The following ZNF735 variants were observed in gnomAD, a reference collection of about 807,000 sequenced individuals.
The protein encoded by ZNF735 is zinc finger protein 735, also known as putative zinc finger protein 735.
A neutral mutation model predicts 13.4 loss-of-function variants in ZNF735; 11 were observed. The observed-to-expected ratio is 0.82, with a 90% CI of 0.52 to 1.36. The LOEUF (loss-of-function observed/expected upper bound fraction) is 1.36, where lower values mean the gene tolerates loss of function less well. Ranked by LOEUF, ZNF735 falls within the 40% of genes most tolerant of loss-of-function variation. The pLI is 0.00. For synonymous variants in ZNF735, 171 were observed against 162.6 expected (o/e 1.05, Z -0.39); for missense variants, 500 against 484.6 (o/e 1.03, Z -0.30).
At chr7:64,211,721 C>T (rs1425355169) in intron 1 of ZNF735, among the ~76,000 whole-genome samples, 4 of 151,616 alleles carry the variant, frequency 2.6e-5, no homozygotes, top group Non-Finnish European at 4.4e-5. Flanking sequence ...CAAAAAATAG[C>T]CAAGTGTAGT....
chr7:64,219,821 C>T lies in ZNF735; in HGVS notation c.770C>T (p.Thr257Ile), dbSNP rs779147903. ...GCCTTTAGGTGGCCCTCAAACCTTA[C>T]TAGACATAAGAGAATTCACACTGGA... Residue 257 changes from threonine to isoleucine, a missense_variant, in exon 4 of 4, where the codon ACT (threonine) becomes ATT (isoleucine). By Grantham distance (89) the Thr-to-Ile change is moderately conservative. Transcript: ENST00000429565. 38 of 1,612,368 alleles carry T rather than the reference C, an allele frequency of 2.4e-5. No individual in the cohort carries two copies. The highest frequency in any genetic ancestry group is 2.9e-5 in the Non-Finnish European group (34 of 1,179,450).
At chr7:64,208,340 C>G (rs573932023) in intron 1 of ZNF735, among the ~76,000 whole-genome samples, 1 of 140,226 alleles carries the variant, frequency 7.1e-6, no homozygotes, top group Non-Finnish European at 1.5e-5. Flanking sequence ...TCTTTACAAC[C>G]TCTGCCTCCT....
chr7:64,219,833 G>T (rs1350611363), exon 4 of ZNF735: 1 of 1,613,448 alleles, frequency 6.2e-7, no homozygotes, highest in Non-Finnish European at 8.5e-7. Context: ...AGACATAAGA[G>T]AATTCACACT....
intron 1 of ZNF735, among the ~76,000 whole-genome samples, chr7:64,208,097 T>G (rs1230778768): frequency 6.6e-6 from 1 of 152,142 alleles, no homozygotes; most frequent in Non-Finnish European, 1.5e-5. Context: ...GCAAACCAAA[T>G]GCAATAATTG....
chr7:64,216,903 G>C (rs554802676), intron 3 of ZNF735, among the ~76,000 whole-genome samples: 464 of 152,222 alleles, frequency 3.0e-3, no homozygotes, highest in Non-Finnish European at 5.1e-3. Flanking sequence ...ACTGCACCTG[G>C]CTGATCTTTT....
intron 1 of ZNF735, among the ~76,000 whole-genome samples, chr7:64,209,390 AG>A: frequency 6.7e-6 from 1 of 149,316 alleles, no homozygotes; most frequent in East Asian, 2.0e-4. Flanking sequence ...GCTTTCGCCC[AG>A]GCTGGAGTGC....
In ZNF735 at chr7:64,219,375, A is replaced by G. The variant is rs772328768; in HGVS notation, c.324A>G (p.Gln108=). The stretch of plus-strand genomic sequence containing the variant: ...AGCAGAGCATAAAAGATTCACTCCA[A>G]AAAGTAATACCAAGAACATATGGAA... Residue 108 remains glutamine, a synonymous_variant, in exon 4 of 4, where the codon CAA becomes CAG. Coordinates refer to ENST00000429565, the Ensembl canonical transcript of ZNF735. 7.4e-6 allele frequency: 12 copies of G among 1,613,832 alleles called. No homozygotes were observed. The Admixed American group carries it at 2.0e-4, about 27-fold the overall frequency.
chr7:64,213,339 G>A, intron 2 of ZNF735, 121 bp downstream of exon 2: 1 of 982,404 alleles, frequency 1.0e-6, no homozygotes. Flanking sequence ...GAAAATCTTG[G>A]GGATTCATTG....
intron 1 of ZNF735, among the ~76,000 whole-genome samples, chr7:64,210,778 C>T (rs558403886): frequency 6.6e-6 from 1 of 152,248 alleles, no homozygotes; most frequent in East Asian, 1.9e-4. Flanking sequence ...TTCAATTATA[C>T]ACAACAAAAA....
intron 1 of ZNF735, among the ~76,000 whole-genome samples, chr7:64,209,400 G>T (rs868745064): frequency 6.6e-6 from 1 of 150,458 alleles, no homozygotes; most frequent in Admixed American, 6.6e-5. Flanking sequence ...AGGCTGGAGT[G>T]CAGTGGCGTG....
chr7:64,216,712 C>A (rs1054194656), intron 3 of ZNF735, among the ~76,000 whole-genome samples: 5 of 151,908 alleles, frequency 3.3e-5, no homozygotes, highest in Non-Finnish European at 7.4e-5. Flanking sequence ...CTCAAGTAAT[C>A]CTTCCACCTT....
intron 1 of ZNF735, among the ~76,000 whole-genome samples, chr7:64,211,941 T>C (rs1169307616): frequency 1.3e-5 from 2 of 151,232 alleles, no homozygotes; most frequent in African/African-American, 4.8e-5. Context: ...AATTTACTTT[T>C]CTGAGAGGAG....
At chr7:64,211,136 A>AT (rs1298983712) in intron 1 of ZNF735, among the ~76,000 whole-genome samples, 3 of 151,996 alleles carry the variant, frequency 2.0e-5, no homozygotes, top group East Asian at 3.9e-4. Flanking sequence ...TGAAAAAAAT[A>AT]TTTTTTTTCT....
At chr7:64,209,515 C>G (rs545064309) in intron 1 of ZNF735, among the ~76,000 whole-genome samples, 1 of 151,930 alleles carries the variant, frequency 6.6e-6, no homozygotes, top group East Asian at 1.9e-4. Context: ...GTAGTAGAGA[C>G]GGGGTTTCAC....
intron 3 of ZNF735, among the ~76,000 whole-genome samples, chr7:64,216,147 T>A (rs1455417198): frequency 1.3e-5 from 2 of 151,842 alleles, no homozygotes; most frequent in Non-Finnish European, 2.9e-5. Flanking sequence ...ATACAAAAAA[T>A]TAACCAGGTG....
At chr7:64,209,258 G>A (rs1490522158) in intron 1 of ZNF735, among the ~76,000 whole-genome samples, 1 of 140,380 alleles carries the variant, frequency 7.1e-6, no homozygotes, top group Non-Finnish European at 1.6e-5. Flanking sequence ...TAGTCTAATT[G>A]TTTTTATTTG....
exon 4 of ZNF735, chr7:64,219,579 T>C (rs1462064902): frequency 1.3e-6 from 2 of 1,579,490 alleles, no homozygotes; most frequent in Non-Finnish European, 1.7e-6. Context: ...ATAGACACAA[T>C]GCAAGATATA....
chr7:64,208,244 GTTTTTTTTTT>G (rs71060562), intron 1 of ZNF735, among the ~76,000 whole-genome samples: 6 of 93,082 alleles, frequency 6.4e-5, no homozygotes, highest in South Asian at 8.0e-4. Flanking sequence ...TCCAATAAAT[GTTTTTTTTTT>G]TTTTTTTTTT....
At chr7:64,220,048 G>A (rs201973254) in exon 4 of ZNF735, 1 of 1,612,370 alleles carries the variant, frequency 6.2e-7, no homozygotes, top group Non-Finnish European at 8.5e-7. Flanking sequence ...ATGTGGCAAA[G>A]CCTTTAACTG....
Sources: allele counts gnomAD v4.1 joint callset (sites outside exome capture counted in the v4.1 genomes callset), GRCh38; gene constraint gnomAD v4.1.1; transcripts MANE v1.5; gene names NCBI Gene and HGNC (gene_info 2026-07-23, HGNC 2026-07-21).